Variants in NRG1 observed in about 807,000 individuals in gnomAD.
NRG1 encodes neuregulin 1.
NRG1 carries 18 observed loss-of-function variants against 63.8 expected under a neutral mutation model. That is an observed-to-expected ratio of 0.28 (90% CI 0.19 to 0.42). The LOEUF (loss-of-function observed/expected upper bound fraction) is 0.42, where lower values mean the gene tolerates loss of function less well. NRG1 is among the 10% of genes least tolerant of loss of function. NRG1 has a pLI of 1.00. For synonymous variants in NRG1, 302 were observed against 301.3 expected, an observed-to-expected ratio of 1.00 and a Z score of -0.02; for missense variants, 762 against 814.7, an observed-to-expected ratio of 0.94 and a Z score of 0.79.
chr8:32,054,079 G>T (rs1563730764), intron 1 of NRG1, among the ~76,000 whole-genome samples: 1 of 152,172 alleles, frequency 6.6e-6, no homozygotes, highest in Non-Finnish European at 1.5e-5. Flanking sequence ...TACAATTGAA[G>T]ATGGCATTTT....
chr8:32,612,872 T>C (rs1846614446), intron 3 of NRG1, among the ~76,000 whole-genome samples: 2 of 152,036 alleles, frequency 1.3e-5, no homozygotes, highest in South Asian at 4.1e-4. Context: ...TCTCTCTTAG[T>C]GTAGGTCCTT....
At chr8:32,491,704 A>G (rs1399381945) in intron 1 of NRG1, among the ~76,000 whole-genome samples, 1 of 152,218 alleles carries the variant, frequency 6.6e-6, no homozygotes, top group Non-Finnish European at 1.5e-5. Context: ...TGGGAATTAT[A>G]ATGTATTCAT....
intron 1 of NRG1, among the ~76,000 whole-genome samples, chr8:31,942,612 T>C (rs185673757): frequency 7.3e-5 from 11 of 151,360 alleles, no homozygotes; most frequent in Non-Finnish European, 1.6e-4. Context: ...ATCCACAGAG[T>C]AGGAGAAAAT....
intron 1 of NRG1, among the ~76,000 whole-genome samples, chr8:32,402,498 C>G (rs868303153): frequency 1.3e-5 from 2 of 152,180 alleles, no homozygotes; most frequent in Non-Finnish European, 2.9e-5. Context: ...CCCTGTCCCA[C>G]TCTGTCCCAT....
At chr8:32,648,991 G>A (rs758332252) in intron 5 of NRG1, among the ~76,000 whole-genome samples, 3 of 152,146 alleles carry the variant, frequency 2.0e-5, no homozygotes, top group Non-Finnish European at 4.4e-5. Context: ...TGCCCAGATG[G>A]CACTTTCAGT....
At chr8:32,692,353 C>G (rs1811970051) in intron 5 of NRG1, among the ~76,000 whole-genome samples, 1 of 152,178 alleles carries the variant, frequency 6.6e-6, no homozygotes, top group Non-Finnish European at 1.5e-5. Flanking sequence ...ATTTGTCCAG[C>G]AGCACACAAT....
chr8:31,845,086 G>A (rs191091545), intron 1 of NRG1, among the ~76,000 whole-genome samples: 191 of 151,400 alleles, frequency 1.3e-3, no homozygotes, highest in Non-Finnish European at 1.9e-3. Context: ...CAGCCTGGGC[G>A]ACAGGGTGAG....
intron 1 of NRG1, among the ~76,000 whole-genome samples, chr8:32,147,466 G>T (rs1261867349): frequency 6.6e-6 from 1 of 152,114 alleles, no homozygotes; most frequent in African/African-American, 2.4e-5. Flanking sequence ...ATTGCCCTGG[G>T]CAATTACCAT....
chr8:31,694,098 C>A (rs962635384), intron 1 of NRG1, among the ~76,000 whole-genome samples: 2 of 152,190 alleles, frequency 1.3e-5, no homozygotes, highest in African/African-American at 2.4e-5. Flanking sequence ...CCACCTCAGC[C>A]TCCTAAAGTA....
At chr8:32,547,709 C>A (rs1400899343), upstream of NRG1, among the ~76,000 whole-genome samples, 1 of 152,046 alleles carries the variant, frequency 6.6e-6, no homozygotes, top group Admixed American at 6.5e-5. Flanking sequence ...TGGAAGGAAG[C>A]CTTATCTTAA....
intron 1 of NRG1, among the ~76,000 whole-genome samples, chr8:32,362,978 A>C (rs1270103604): frequency 1.3e-5 from 2 of 152,170 alleles, no homozygotes; most frequent in African/African-American, 4.8e-5. Context: ...CAAGGATTGC[A>C]CGTGCCCTGT....
intron 1 of NRG1, among the ~76,000 whole-genome samples, chr8:32,007,455 T>A (rs879238335): frequency 6.6e-6 from 1 of 152,028 alleles, no homozygotes; most frequent in Admixed American, 6.6e-5. Flanking sequence ...ATGGTAAGAC[T>A]CTCTCTAATA....
chr8:32,531,510 T>C (rs1434763367), intron 1 of NRG1, among the ~76,000 whole-genome samples: 1 of 152,140 alleles, frequency 6.6e-6, no homozygotes. Flanking sequence ...GCCAAAGATT[T>C]TCAGCCAAAG....
intron 1 of NRG1, among the ~76,000 whole-genome samples, chr8:32,339,954 G>A (rs920032039): frequency 7.9e-5 from 12 of 151,984 alleles, no homozygotes; most frequent in African/African-American, 2.9e-4. Context: ...TGCTTGATGA[G>A]GTCTGAGATA....
intron 1 of NRG1, among the ~76,000 whole-genome samples, chr8:32,253,021 C>T (rs1586404991): frequency 6.6e-6 from 1 of 152,198 alleles, no homozygotes; most frequent in East Asian, 1.9e-4. Flanking sequence ...TATAGGAATG[C>T]TTGTGGTTTT....
chr8:31,950,363 G>A (rs1049286394), intron 1 of NRG1, among the ~76,000 whole-genome samples: 3 of 152,178 alleles, frequency 2.0e-5, no homozygotes, highest in Admixed American at 1.3e-4. Context: ...TTTGGAGACA[G>A]TAAATCATAT....
At chr8:31,664,517 T>C (rs944208291) in intron 1 of NRG1, among the ~76,000 whole-genome samples, 14 of 152,204 alleles carry the variant, frequency 9.2e-5, no homozygotes, top group African/African-American at 3.4e-4. Context: ...CTTGCAGCAA[T>C]TGTTATTATG....
intron 1 of NRG1, among the ~76,000 whole-genome samples, chr8:32,030,664 C>T (rs1432753499): frequency 6.6e-6 from 1 of 152,048 alleles, no homozygotes; most frequent in African/African-American, 2.4e-5. Flanking sequence ...TTATTCTTGT[C>T]CCTTTGCCTC....
intron 1 of NRG1, among the ~76,000 whole-genome samples, chr8:31,994,537 C>T (rs912774063): frequency 2.0e-5 from 3 of 150,560 alleles, no homozygotes; most frequent in East Asian, 4.0e-4. Context: ...GCCTATAGTA[C>T]CAGCTACTCA....
Sources: gnomAD v4.1 joint callset for allele counts (sites outside exome capture counted in the v4.1 genomes callset) on GRCh38, gnomAD v4.1.1 for gene constraint, MANE v1.5 for transcripts, NCBI Gene and HGNC (gene_info 2026-07-23, HGNC 2026-07-21) for gene names.